Variants in CACNG2 observed in about 807,000 individuals in gnomAD.
CACNG2 encodes calcium voltage-gated channel auxiliary subunit gamma 2.
CACNG2 carries 3 observed loss-of-function variants against 25.9 expected under a neutral mutation model. That is an observed-to-expected ratio of 0.12 (90% CI 0.05 to 0.30). CACNG2 has a LOEUF of 0.30. CACNG2 is among the 10% of genes least tolerant of loss of function. CACNG2 has a pLI of 1.00. For missense variants in CACNG2, 341 were observed against 432.5 expected (o/e 0.79, Z 1.88); for synonymous variants, 167 against 173.3 (o/e 0.96, Z 0.29).
intron 1 of CACNG2, among the ~76,000 whole-genome samples, chr22:36,698,216 T>G (rs1937365808): frequency 6.6e-6 from 1 of 152,146 alleles, no homozygotes; most frequent in Non-Finnish European, 1.5e-5. Flanking sequence ...CTCGATCACT[T>G]GGTTGTCACA....
chr22:36,575,490 GTGTC>G (rs1385802886), intron 2 of CACNG2, among the ~76,000 whole-genome samples: 1 of 151,762 alleles, frequency 6.6e-6, no homozygotes, highest in Non-Finnish European at 1.5e-5. Context: ...TTTTCTCACT[GTGTC>G]TGGCAGCGGA....
rs540696213 is a variant in CACNG2, at chr22:36,696,212, C to T, written c.211+6154G>A. Reference sequence around the variant, plus strand: ...GATCTATTTAGAGGACTTGCACCCCCGGCGCTTTCTTCTCAGGCATTTGTT... The same window carrying T: ...GATCTATTTAGAGGACTTGCACCCCTGGCGCTTTCTTCTCAGGCATTTGTT... On this transcript the variant is annotated intron_variant, in intron 1 of 3. Coordinates refer to ENST00000300105, the MANE Select transcript of CACNG2 (RefSeq NM_006078.5). Among the ~76,000 whole-genome samples, 35 of 152,206 alleles carry T rather than the reference C, an allele frequency of 2.3e-4. No individual in the cohort carries two copies. In the South Asian group the frequency reaches 4.4e-3, roughly 19 times the overall value.
chr22:36,700,526 T>C (rs1937398389), intron 1 of CACNG2, among the ~76,000 whole-genome samples: 1 of 152,176 alleles, frequency 6.6e-6, no homozygotes, highest in South Asian at 2.1e-4. Flanking sequence ...CTAACTAAAA[T>C]CCAAGGAAAG....
chr22:36,614,754 A>G (rs114464646), intron 1 of CACNG2, among the ~76,000 whole-genome samples: 2,001 of 152,270 alleles, frequency 0.013, 45 homozygotes, highest in African/African-American at 0.045. Context: ...TGGAGGGAAG[A>G]GAACACACCT....
chr22:36,681,520 G>A (rs1937124561), intron 1 of CACNG2, among the ~76,000 whole-genome samples: 2 of 146,780 alleles, frequency 1.4e-5, no homozygotes, highest in African/African-American at 5.2e-5. Context: ...ATCAGCCTTT[G>A]GGCAGGAACA....
intron 2 of CACNG2, among the ~76,000 whole-genome samples, chr22:36,570,077 A>G (rs1293179026): frequency 6.6e-6 from 1 of 152,236 alleles, no homozygotes; most frequent in Middle Eastern, 3.2e-3. Context: ...GTGCCCTCAC[A>G]GCAAATGGAC....
chr22:36,591,936 G>A (rs1935600846), intron 1 of CACNG2, among the ~76,000 whole-genome samples: 1 of 152,040 alleles, frequency 6.6e-6, no homozygotes, highest in Non-Finnish European at 1.5e-5. Flanking sequence ...CTGAGAGTGA[G>A]GAAGGGTTGG....
In CACNG2 at chr22:36,703,404, C is replaced by G. The variant is rs186748334; in HGVS notation, c.-828G>C. 3 of 153,090 alleles carry G rather than the reference C, an allele frequency of 2.0e-5. No homozygotes were observed. Among genetic ancestry groups the G allele is most frequent in the Non-Finnish European group, 2.9e-5 (2 of 68,204 alleles). 9.5% of individuals were successfully genotyped at this position (153,090 alleles called of 1,614,324 possible). On this transcript the variant is annotated 5_prime_UTR_variant, in exon 1 of 4. Transcript: ENST00000300105. The stretch of plus-strand genomic sequence containing the variant: ...GAGAATCGAGGCGGATTTCCCTCCC[C>G]CTATCTGCAAAGCTCCTGGAAACGA...
At chr22:36,666,230 C>A (rs1936872934) in intron 1 of CACNG2, among the ~76,000 whole-genome samples, 1 of 152,050 alleles carries the variant, frequency 6.6e-6, no homozygotes, top group African/African-American at 2.4e-5. Flanking sequence ...CATAGTAAGA[C>A]CTTGTCTCTA....
At chr22:36,614,445 G>C (rs77462920) in intron 1 of CACNG2, among the ~76,000 whole-genome samples, 1 of 152,074 alleles carries the variant, frequency 6.6e-6, no homozygotes, top group Non-Finnish European at 1.5e-5. Flanking sequence ...ATGGCACCCC[G>C]CACTCTTTGG....
At chr22:36,593,971 A>G (rs767871847) in intron 1 of CACNG2, among the ~76,000 whole-genome samples, 3 of 152,130 alleles carry the variant, frequency 2.0e-5, no homozygotes, top group Non-Finnish European at 4.4e-5. Context: ...TCACTCCAGT[A>G]AGGGGAGAGT....
At chr22:36,701,752 G>A (rs1393637735) in intron 1 of CACNG2, among the ~76,000 whole-genome samples, 1 of 152,114 alleles carries the variant, frequency 6.6e-6, no homozygotes, top group Non-Finnish European at 1.5e-5. Context: ...CACACACGCA[G>A]CCAGCCACCT....
At chr22:36,680,863 T>TCACCATGACTATCACCACCAC (rs1937112101) in intron 1 of CACNG2, among the ~76,000 whole-genome samples, 1 of 138,764 alleles carries the variant, frequency 7.2e-6, no homozygotes, top group Admixed American at 7.1e-5. Flanking sequence ...ACCACCACCA[T>TCACCATGACTATCACCACCAC]CACCATCACT....
At chr22:36,579,827 C>T (rs928828123) in intron 2 of CACNG2, among the ~76,000 whole-genome samples, 1 of 152,238 alleles carries the variant, frequency 6.6e-6, no homozygotes, top group Non-Finnish European at 1.5e-5. Flanking sequence ...ACTCCCTCAC[C>T]TCCTTTAGGT....
chr22:36,580,585 G>A (rs901931696), intron 2 of CACNG2, among the ~76,000 whole-genome samples: 4 of 152,102 alleles, frequency 2.6e-5, no homozygotes, highest in African/African-American at 7.2e-5. Context: ...GAGGGAGTAC[G>A]TCAGAGACAG....
At chr22:36,659,046 G>C (rs1424614929) in intron 1 of CACNG2, among the ~76,000 whole-genome samples, 1 of 152,210 alleles carries the variant, frequency 6.6e-6, no homozygotes, top group Non-Finnish European at 1.5e-5. Flanking sequence ...ATTGGAGTCA[G>C]AGGAGGAAAT....
At chr22:36,586,954 T>C (rs1047047296) in intron 2 of CACNG2, among the ~76,000 whole-genome samples, 7 of 148,632 alleles carry the variant, frequency 4.7e-5, no homozygotes, top group Non-Finnish European at 8.9e-5. Context: ...AAAAAATCTC[T>C]CTCTTTTTTT....
chr22:36,582,960 C>T (rs762831941), intron 2 of CACNG2, among the ~76,000 whole-genome samples: 6 of 151,898 alleles, frequency 4.0e-5, no homozygotes, highest in Non-Finnish European at 7.4e-5. Flanking sequence ...TGAAGGAAGA[C>T]GCTACATCTG....
At chr22:36,686,669 C>T (rs972589984) in intron 1 of CACNG2, among the ~76,000 whole-genome samples, 8 of 152,204 alleles carry the variant, frequency 5.3e-5, no homozygotes, top group African/African-American at 1.7e-4. Context: ...TGCCAGGCAC[C>T]GTGTCAGGTG....
Sources: allele counts gnomAD v4.1 joint callset (sites outside exome capture counted in the v4.1 genomes callset), GRCh38; gene constraint gnomAD v4.1.1; transcripts MANE v1.5; gene names NCBI Gene and HGNC (gene_info 2026-07-23, HGNC 2026-07-21).